Variants in UPP1 observed in about 807,000 individuals in gnomAD.
UPP1 encodes the protein UPase 1.
UPP1 carries 25 observed loss-of-function variants against 29.6 expected under a neutral mutation model. The observed-to-expected ratio is 0.85, with a 90% CI of 0.62 to 1.18. The LOEUF (loss-of-function observed/expected upper bound fraction) is 1.18, where lower values mean the gene tolerates loss of function less well. UPP1 is among the 50% of genes most tolerant of loss of function. UPP1 has a pLI of 0.00. For synonymous variants in UPP1, 165 were observed against 159.8 expected (o/e 1.03, Z -0.25); for missense variants, 368 against 410.4 (o/e 0.90, Z 0.89).
rs746218936 is a variant in UPP1 at position 48,099,795 on chromosome 7, G to T, written c.162+8G>T. ...TTGTTTGGAGATGTGAAGGTAAGAGGCCAGGTGTTGACACCTTGGAATTTG... is the reference window on the plus strand; with the variant it reads ...TTGTTTGGAGATGTGAAGGTAAGAGTCCAGGTGTTGACACCTTGGAATTTG... On this transcript the variant is annotated splice_region_variant and intron_variant, in intron 4 of 8. Transcript: ENST00000395564. 1 of 1,585,680 alleles carries T rather than the reference G, an allele frequency of 6.3e-7. No individual in the cohort carries two copies. Among genetic ancestry groups the T allele is most frequent in the Non-Finnish European group, 8.7e-7 (1 of 1,154,128 alleles).
chr7:48,093,976 A>G (rs1157218634), intron 2 of UPP1, among the ~76,000 whole-genome samples: 3 of 152,134 alleles, frequency 2.0e-5, no homozygotes, highest in South Asian at 2.1e-4. Flanking sequence ...CCTGCCCAAC[A>G]TGGTGAAACC....
intron 6 of UPP1, among the ~76,000 whole-genome samples, 191 bp downstream of exon 6, chr7:48,103,602 G>C (rs1038112113): frequency 6.6e-6 from 1 of 152,090 alleles, no homozygotes; most frequent in African/African-American, 2.4e-5. Flanking sequence ...CTCCCAACCC[G>C]CACCCCAGAG....
intron 3 of UPP1, among the ~76,000 whole-genome samples, chr7:48,098,511 GTA>G (rs1437511587): frequency 6.6e-6 from 1 of 152,174 alleles, no homozygotes; most frequent in Non-Finnish European, 1.5e-5. Flanking sequence ...CATTAATTAT[GTA>G]TACCAGTGTT....
At chr7:48,094,075 G>C (rs1791992883) in intron 2 of UPP1, among the ~76,000 whole-genome samples, 1 of 152,100 alleles carries the variant, frequency 6.6e-6, no homozygotes. Context: ...CAGAAGAATT[G>C]CCTGAACCTG....
At chr7:48,099,367 A>G (rs1792293734) in intron 3 of UPP1, among the ~76,000 whole-genome samples, 1 of 152,084 alleles carries the variant, frequency 6.6e-6, no homozygotes, top group South Asian at 2.1e-4. Flanking sequence ...TATACTCCCT[A>G]CTCCTTGTAT....
intron 2 of UPP1, 107 bp from the exon 3 acceptor site, chr7:48,094,656 A>C: frequency 1.1e-6 from 1 of 899,578 alleles, no homozygotes; most frequent in African/African-American, 1.6e-5. Context: ...TCAGGTGTGT[A>C]AGGAATTCCA....
chr7:48,100,502 TTTAG>T (rs1281434422), intron 4 of UPP1, among the ~76,000 whole-genome samples: 4 of 152,220 alleles, frequency 2.6e-5, no homozygotes, highest in African/African-American at 9.6e-5. Flanking sequence ...TGATATTCTG[TTTAG>T]TTAATTGCCT....
At chr7:48,093,015 A>G (rs1220217050) in intron 2 of UPP1, among the ~76,000 whole-genome samples, 1 of 152,016 alleles carries the variant, frequency 6.6e-6, no homozygotes, top group African/African-American at 2.4e-5. Context: ...CCTGTTTCTA[A>G]AAAAATGAAG....
intron 2 of UPP1, among the ~76,000 whole-genome samples, chr7:48,092,305 C>G (rs1791881276): frequency 6.6e-6 from 1 of 152,158 alleles, no homozygotes; most frequent in South Asian, 2.1e-4. Flanking sequence ...TACTTCTTCC[C>G]TCAGTCGGTA....
At position 48,094,052 on chromosome 7, in the gene UPP1, C is replaced by T. The variant is rs188526339; in HGVS notation, c.-21-711C>T. Reference sequence around the variant, plus strand: ...GCGTGTGTCTGTAGTCTCAGCTACTCGGGAGGCTGAGGCAGAAGAATTGCC... The same window carrying T: ...GCGTGTGTCTGTAGTCTCAGCTACTTGGGAGGCTGAGGCAGAAGAATTGCC... On this transcript the variant is annotated intron_variant, in intron 2 of 8. Coordinates refer to ENST00000395564, the MANE Select transcript of UPP1 (RefSeq NM_003364.4). Among the ~76,000 whole-genome samples the T allele has an allele frequency of 2.0e-3, 297 of 152,010 alleles. 2 individuals carry two copies. The highest frequency in any genetic ancestry group is 6.8e-3 in the African/African-American group (282 of 41,464).
chr7:48,103,426 G>A lies in UPP1; in HGVS notation c.436+15G>A, dbSNP rs746683669. On this transcript the variant is annotated intron_variant, in intron 6 of 8. Coordinates refer to ENST00000395564, the MANE Select transcript of UPP1 (RefSeq NM_003364.4). ...TGGTGGGATAGGTAAGGTCTGCAGA[G>A]GGGCCTCTTGCCCTGTGAATGGATG... is the stretch of plus-strand genomic sequence containing the variant. The A allele has an allele frequency of 1.1e-5, 17 of 1,605,192 alleles. No individual in the cohort carries two copies. The highest frequency in any genetic ancestry group is 1.7e-4 in the Middle Eastern group (1 of 6,030).
intron 3 of UPP1, among the ~76,000 whole-genome samples, chr7:48,098,232 C>T (rs933375246): frequency 9.2e-5 from 14 of 152,214 alleles, no homozygotes; most frequent in African/African-American, 2.7e-4. Flanking sequence ...TCACCTGGGC[C>T]CCACTCTAGG....
At chr7:48,091,226 C>T (rs1272362547) in intron 2 of UPP1, among the ~76,000 whole-genome samples, 2 of 150,900 alleles carry the variant, frequency 1.3e-5, no homozygotes, top group Non-Finnish European at 2.9e-5. Context: ...ATGCAAGTAA[C>T]TTACCAATCT....
chr7:48,101,532 G>A (rs746365554), intron 4 of UPP1, among the ~76,000 whole-genome samples: 1 of 152,094 alleles, frequency 6.6e-6, no homozygotes, highest in Non-Finnish European at 1.5e-5. Context: ...GAGGGAGGCC[G>A]AGGGTGCACA....
chr7:48,107,997 C>T (rs1407269217), intron 8 of UPP1, among the ~76,000 whole-genome samples: 1 of 152,144 alleles, frequency 6.6e-6, no homozygotes, highest in East Asian at 1.9e-4. Flanking sequence ...AAGGGAGGGA[C>T]AGGGCAGGGT....
intron 6 of UPP1, chr7:48,105,441 A>G (rs992554455): frequency 5.9e-5 from 9 of 152,242 alleles, no homozygotes; most frequent in African/African-American, 1.7e-4. Flanking sequence ...CATGAAAACA[A>G]CTGACTTGGG....
intron 2 of UPP1, among the ~76,000 whole-genome samples, chr7:48,092,847 C>T (rs1583852359): frequency 6.6e-6 from 1 of 151,978 alleles, no homozygotes; most frequent in Admixed American, 6.5e-5. Context: ...GGATTCCAGG[C>T]ATGCGCCACC....
intron 4 of UPP1, among the ~76,000 whole-genome samples, chr7:48,100,484 A>G (rs1198512855): frequency 6.6e-6 from 1 of 152,206 alleles, no homozygotes; most frequent in Non-Finnish European, 1.5e-5. Flanking sequence ...GTAATATAAG[A>G]TACATATTGA....
chr7:48,099,996 A>C (rs1792335808), intron 4 of UPP1, among the ~76,000 whole-genome samples: 1 of 152,220 alleles, frequency 6.6e-6, no homozygotes, highest in Non-Finnish European at 1.5e-5. Flanking sequence ...ATTGTTCCCT[A>C]ATTCATCTTT....
Sources: allele counts gnomAD v4.1 joint callset (sites outside exome capture counted in the v4.1 genomes callset), GRCh38; gene constraint gnomAD v4.1.1; transcripts MANE v1.5; gene names NCBI Gene and HGNC (gene_info 2026-07-23, HGNC 2026-07-21).